The following EXO1 variants were observed in gnomAD, a reference collection of about 807,000 sequenced individuals.
EXO1 encodes exonuclease 1.
EXO1 carries 69 observed loss-of-function variants against 84.5 expected under a neutral mutation model. The ratio of observed to expected loss-of-function variants is 0.82; its 90% CI spans 0.67 to 1.00. The LOEUF (loss-of-function observed/expected upper bound fraction) is 1.00, where lower values mean the gene tolerates loss of function less well. Ranked by LOEUF, EXO1 falls within the 50% of genes least tolerant of loss-of-function variation. EXO1 has a pLI of 0.00. For synonymous variants in EXO1, 373 were observed against 366.1 expected, an observed-to-expected ratio of 1.02 and a Z score of -0.21; for missense variants, 1,045 against 1,000.7, an observed-to-expected ratio of 1.04 and a Z score of -0.60.
chr1:241,886,345 CTG>C, intron 15 of EXO1, among the ~76,000 whole-genome samples: 1 of 152,202 alleles, frequency 6.6e-6, no homozygotes, highest in Admixed American at 6.5e-5. Context: ...ATACTTCCTT[CTG>C]TTAGACCACA....
chr1:241,879,942 G>A (rs915632795), intron 13 of EXO1, among the ~76,000 whole-genome samples: 2 of 151,560 alleles, frequency 1.3e-5, no homozygotes, highest in Admixed American at 6.6e-5. Context: ...GGGAGGCGGA[G>A]GTTGCAGTGA....
At chr1:241,882,147 A>G (rs962816145) in intron 14 of EXO1, 130 bp downstream of exon 14, 10 of 613,152 alleles carry the variant, frequency 1.6e-5, no homozygotes, top group African/African-American at 3.7e-5. Context: ...TGTCTACTTT[A>G]AAACTTTATG....
chr1:241,885,170 G>A (rs556928104), intron 14 of EXO1, 144 bp from the exon 15 acceptor site: 24 of 300,830 alleles, frequency 8.0e-5, no homozygotes, highest in Non-Finnish European at 1.3e-4. Context: ...TCGCACCACT[G>A]CACTCCAGAC....
rs147546303 is a variant in EXO1, at chr1:241,877,092, C to T, written c.1515-1657C>T. On this transcript the variant is annotated intron_variant, in intron 12 of 15. Transcript: ENST00000366548. ...AAAAGGAGATACTAAACATGTAAAA[C>T]GTTGTCACCAATTTGCCTGCATTTT... 2.8e-4 allele frequency among the ~76,000 whole-genome samples: 42 copies of T among 152,218 alleles called. No homozygotes were observed. In the East Asian group the frequency reaches 3.7e-3, roughly 13 times the overall value.
intron 7 of EXO1, 57 bp from the exon 8 acceptor site, chr1:241,858,449 T>A (rs1277148107): frequency 2.9e-6 from 3 of 1,031,430 alleles, no homozygotes; most frequent in Non-Finnish European, 4.6e-6. Flanking sequence ...TTGCAGTGGA[T>A]TAGATAATGA....
chr1:241,889,303 T>A (rs1381388930), intron 15 of EXO1, among the ~76,000 whole-genome samples, 162 bp from the exon 16 acceptor site: 2 of 152,032 alleles, frequency 1.3e-5, no homozygotes, highest in African/African-American at 4.8e-5. Flanking sequence ...GTATTGGGAG[T>A]GCTCACAGGA....
chr1:241,872,113 A>G lies in EXO1; in HGVS notation c.1349A>G (p.Asn450Ser), dbSNP rs1390425908. The change falls in exon 12 of 16, where the codon AAT becomes AGT. Residue 450 changes from asparagine to serine, a missense_variant. Coordinates refer to ENST00000366548, the MANE Select transcript of EXO1 (RefSeq NM_130398.4). ...KKTKKNSSEG[N>S]KSLSFSEVFV... Reference sequence around the variant, plus strand: ...ACCAAGAAAAATAGCTCTGAAGGCAATAAATCATTGAGCTTTTCTGAAGTG... The same window carrying G: ...ACCAAGAAAAATAGCTCTGAAGGCAGTAAATCATTGAGCTTTTCTGAAGTG... 18 of 1,613,886 alleles carry G rather than the reference A, an allele frequency of 1.1e-5. No homozygotes were observed. Among genetic ancestry groups the G allele is most frequent in the East Asian group, 4.5e-5 (2 of 44,874 alleles).
intron 13 of EXO1, 45 bp from the exon 14 acceptor site, chr1:241,881,871 A>G: frequency 3.2e-6 from 3 of 944,172 alleles, no homozygotes; most frequent in Non-Finnish European, 5.1e-6. Context: ...AAAATTCTAC[A>G]GTAAAAATCT....
intron 15 of EXO1, among the ~76,000 whole-genome samples, chr1:241,885,999 A>G (rs1055390857): frequency 2.6e-5 from 4 of 151,982 alleles, no homozygotes; most frequent in African/African-American, 7.2e-5. Flanking sequence ...GATTACAGGC[A>G]TGCACCACCA....
In EXO1 at chr1:241,864,423, A is replaced by G. The variant is rs114080445; in HGVS notation, c.1042-2407A>G. On this transcript the variant is annotated intron_variant, in intron 10 of 15. Coordinates refer to ENST00000366548, the MANE Select transcript of EXO1 (RefSeq NM_130398.4). ...TTGTTTCATCTCTGTTTTCAGACAA[A>G]TGAATCTATCTTCAGAAATGCCTGC... is the stretch of plus-strand genomic sequence containing the variant. Among the ~76,000 whole-genome samples the G allele has an allele frequency of 7.7e-3, 1,173 of 152,308 alleles. 19 individuals carry two copies. Among genetic ancestry groups the G allele is most frequent in the African/African-American group, 0.027 (1,114 of 41,546 alleles).
rs755724339 is a variant in EXO1, at chr1:241,852,321, A to G, written c.191A>G (p.Asn64Ser). The G allele has an allele frequency of 1.9e-6, 3 of 1,597,810 alleles. No individual in the cohort carries two copies. In the South Asian group the frequency reaches 3.3e-5, roughly 18 times the overall value. The change falls in exon 5 of 16, where the codon AAT becomes AGT. Residue 64 changes from asparagine (N) to serine (S), a missense_variant. Transcript: ENST00000366548. ...RYVGFCMKFV[N>S]MLLSHGIKPI... ...GTAGGATTTTGTATGAAATTTGTAAATATGTTACTATCTCATGGGATCAAG... is the reference window on the plus strand; with the variant it reads ...GTAGGATTTTGTATGAAATTTGTAAGTATGTTACTATCTCATGGGATCAAG...
intron 12 of EXO1, among the ~76,000 whole-genome samples, chr1:241,875,642 G>A (rs1662349237): frequency 6.6e-6 from 1 of 152,158 alleles, no homozygotes; most frequent in Non-Finnish European, 1.5e-5. Context: ...ACTTTGGGAG[G>A]CCAAGGCGGT....
intron 15 of EXO1, among the ~76,000 whole-genome samples, chr1:241,888,339 T>C (rs1663181300): frequency 6.6e-6 from 1 of 152,246 alleles, no homozygotes; most frequent in Non-Finnish European, 1.5e-5. Context: ...TTTGAGACTT[T>C]TTTTTAACTG....
At chr1:241,855,389 C>T (rs1454444185) in intron 6 of EXO1, among the ~76,000 whole-genome samples, 1 of 152,184 alleles carries the variant, frequency 6.6e-6, no homozygotes, top group African/African-American at 2.4e-5. Context: ...GAGCTAGACA[C>T]AGGGTGCTGA....
At chr1:241,855,988 G>A (rs1362296216) in intron 6 of EXO1, among the ~76,000 whole-genome samples, 1 of 152,232 alleles carries the variant, frequency 6.6e-6, no homozygotes, top group East Asian at 1.9e-4. Flanking sequence ...AGCTGAGGGA[G>A]TGGGCTCCGG....
At chr1:241,855,664 G>A (rs1348192885) in intron 6 of EXO1, among the ~76,000 whole-genome samples, 1 of 152,236 alleles carries the variant, frequency 6.6e-6, no homozygotes, top group African/African-American at 2.4e-5. Context: ...GGGCGGCACA[G>A]GAGCCCACGG....
intron 13 of EXO1, among the ~76,000 whole-genome samples, chr1:241,879,687 C>A (rs1270676217): frequency 6.6e-6 from 1 of 152,048 alleles, no homozygotes; most frequent in Non-Finnish European, 1.5e-5. Context: ...CCTTAATATG[C>A]TCTTGAATTC....
rs372371375 is a variant in EXO1 at position 241,861,475 on chromosome 1, C to G, written c.1014C>G (p.Ile338Met). 5.7e-6 allele frequency: 9 copies of G among 1,588,340 alleles called. No homozygotes were observed. Among genetic ancestry groups the G allele is most frequent in the Non-Finnish European group, 6.9e-6 (8 of 1,156,632 alleles). The change falls in exon 10 of 16, where the codon ATC becomes ATG. Residue 338 changes from isoleucine (I) to methionine (M), a missense_variant. Transcript: ENST00000366548. ...AAGATATAAATACTTTTGAACAGAT[C>G]GATGACTACAATCCAGACACTGCTA... ...GNKDINTFEQ[I>M]DDYNPDTAMP...
chr1:241,879,276 A>G lies in EXO1; in HGVS notation c.2042A>G (p.Glu681Gly), dbSNP rs201006160. The G allele has an allele frequency of 3.7e-6, 6 of 1,602,276 alleles. No individual in the cohort carries two copies. The African/African-American group carries it at 8.1e-5, about 22-fold the overall frequency. Residue 681 changes from glutamate to glycine, a missense_variant, in exon 13 of 16, where the codon GAA becomes GGA. Glu to Gly is a moderately conservative substitution (Grantham distance 98). Transcript: ENST00000366548. ...TCTTCACAGTCCCAGGAAAGTGGAGAATTCTCACTGCAGAGTTCAAATGCA... is the reference window on the plus strand; with the variant it reads ...TCTTCACAGTCCCAGGAAAGTGGAGGATTCTCACTGCAGAGTTCAAATGCA... Reference protein sequence around the residue: ...ACSSQSQESGEFSLQSSNASK... With the variant: ...ACSSQSQESGGFSLQSSNASK...
Sources: gnomAD v4.1 joint callset for allele counts (sites outside exome capture counted in the v4.1 genomes callset) on GRCh38, gnomAD v4.1.1 for gene constraint, MANE v1.5 for transcripts, NCBI Gene and HGNC (gene_info 2026-07-23, HGNC 2026-07-21) for gene names.